The following TRPM3 variants were observed in gnomAD, a reference collection of about 807,000 sequenced individuals.
TRPM3 encodes the protein transient receptor potential cation channel subfamily M member 3, also known as long transient receptor potential channel 3.
A neutral mutation model predicts 181.2 loss-of-function variants in TRPM3; 77 were observed. That is an observed-to-expected ratio of 0.42 (90% confidence interval 0.35 to 0.51). TRPM3 has a LOEUF of 0.51. Ranked by LOEUF, TRPM3 falls within the 20% of genes least tolerant of loss-of-function variation. The pLI is 0.01. For missense variants in TRPM3, 1,759 were observed against 2,196.7 expected (o/e 0.80, Z 3.98); for synonymous variants, 745 against 796.4 (o/e 0.94, Z 1.09).
intron 1 of TRPM3, among the ~76,000 whole-genome samples, chr9:70,879,979 A>G (rs1349986861): frequency 6.6e-6 from 1 of 152,102 alleles, no homozygotes; most frequent in Non-Finnish European, 1.5e-5. Context: ...TGCATTCACC[A>G]ATTCTGCATT....
chr9:71,421,110 A>G (rs2093765899), intron 1 of TRPM3, among the ~76,000 whole-genome samples: 1 of 151,752 alleles, frequency 6.6e-6, no homozygotes, highest in Non-Finnish European at 1.5e-5. Flanking sequence ...TTAATACAGA[A>G]ATAGAAAACC....
intron 9 of TRPM3, among the ~76,000 whole-genome samples, chr9:70,641,412 C>T (rs1029969886): frequency 1.3e-5 from 2 of 152,176 alleles, no homozygotes; most frequent in African/African-American, 4.8e-5. Flanking sequence ...GTGCTCTCAT[C>T]AACTAGCGTA....
chr9:70,897,526 T>A (rs1340674588), intron 1 of TRPM3, among the ~76,000 whole-genome samples: 1 of 152,122 alleles, frequency 6.6e-6, no homozygotes, highest in Non-Finnish European at 1.5e-5. Flanking sequence ...CCAACAATTC[T>A]GTTTGGAGGT....
At chr9:71,392,576 C>A (rs1302570502) in intron 1 of TRPM3, among the ~76,000 whole-genome samples, 1 of 152,084 alleles carries the variant, frequency 6.6e-6, no homozygotes, top group Non-Finnish European at 1.5e-5. Context: ...CTACATCCTA[C>A]TTTCTTTCAG....
intron 1 of TRPM3, among the ~76,000 whole-genome samples, chr9:71,331,649 G>GA (rs1407803313): frequency 6.7e-6 from 1 of 149,048 alleles, no homozygotes. Context: ...GGAGGAGGAA[G>GA]AAGAGGAGAG....
intron 1 of TRPM3, among the ~76,000 whole-genome samples, chr9:71,112,475 A>G (rs2071339786): frequency 6.6e-6 from 1 of 152,152 alleles, no homozygotes; most frequent in Non-Finnish European, 1.5e-5. Flanking sequence ...GATGAACTAA[A>G]TCATCTCAAG....
rs147929844 is a variant in TRPM3, at chr9:70,579,834, G to A, written c.3223+11197C>T. Among the ~76,000 whole-genome samples the A allele has an allele frequency of 6.4e-3, 973 of 152,288 alleles. 7 individuals are homozygous for A. The highest frequency in any genetic ancestry group is 0.022 in the African/African-American group (905 of 41,540). On this transcript the variant is annotated intron_variant, in intron 22 of 25. Coordinates refer to ENST00000677713, the MANE Select transcript of TRPM3 (RefSeq NM_001366145.2). ...AGGCAAAGCCGTTTTGCCACCATGT[G>A]TCTTTGTGAAGCCTCCCCACACCCT...
intron 5 of TRPM3, among the ~76,000 whole-genome samples, chr9:70,832,592 T>C (rs779663061): frequency 2.0e-5 from 3 of 152,186 alleles, no homozygotes; most frequent in Non-Finnish European, 4.4e-5. Context: ...AGCCCTTTTA[T>C]AGAAGGCATT....
At chr9:70,772,755 T>C (rs1280709951) in intron 7 of TRPM3, among the ~76,000 whole-genome samples, 1 of 152,054 alleles carries the variant, frequency 6.6e-6, no homozygotes, top group East Asian at 1.9e-4. Context: ...GTCTCTGTCA[T>C]GTCTCTTCTT....
chr9:71,391,117 C>T (rs935006715), intron 1 of TRPM3, among the ~76,000 whole-genome samples: 12 of 151,758 alleles, frequency 7.9e-5, no homozygotes, highest in African/African-American at 2.9e-4. Flanking sequence ...CTAAGATTCT[C>T]CCTAAGACCA....
rs180991711 is a variant in TRPM3, at chr9:71,022,319, T to C, written c.177+98859A>G. Among the ~76,000 whole-genome samples the C allele has an allele frequency of 1.1e-3, 165 of 152,292 alleles. 2 individuals carry two copies. The highest frequency in any genetic ancestry group is 7.8e-4 in the Non-Finnish European group (53 of 68,018). ...AGTGGATAGCTTTTTCATGAAATGA[T>C]GCTAGAGTAATAGGACATCCATAAG... On this transcript the variant is annotated intron_variant, in intron 1 of 25. Transcript: ENST00000677713.
intron 1 of TRPM3, among the ~76,000 whole-genome samples, chr9:70,946,349 G>A (rs1325849837): frequency 6.6e-6 from 1 of 152,006 alleles, no homozygotes; most frequent in Non-Finnish European, 1.5e-5. Flanking sequence ...GGCAGGCTGA[G>A]TTAAAATTCC....
intron 1 of TRPM3, among the ~76,000 whole-genome samples, chr9:71,046,813 G>A (rs1035055543): frequency 2.0e-5 from 3 of 152,216 alleles, no homozygotes; most frequent in Non-Finnish European, 4.4e-5. Context: ...TTGTATAGGA[G>A]AACAGAATGA....
intron 15 of TRPM3, among the ~76,000 whole-genome samples, 155 bp downstream of exon 15, chr9:70,621,089 T>C (rs1022596518): frequency 6.8e-6 from 1 of 146,968 alleles, no homozygotes; most frequent in African/African-American, 2.5e-5. Flanking sequence ...TTATATATAC[T>C]ATATATTTAT....
intron 1 of TRPM3, among the ~76,000 whole-genome samples, chr9:71,042,373 T>C (rs1000617583): frequency 1.3e-5 from 2 of 152,212 alleles, no homozygotes; most frequent in Non-Finnish European, 2.9e-5. Flanking sequence ...CAACAACTGC[T>C]TTAAAAAATT....
chr9:70,839,753 G>C (rs1369332817), intron 5 of TRPM3, among the ~76,000 whole-genome samples: 1 of 152,064 alleles, frequency 6.6e-6, no homozygotes, highest in Admixed American at 6.6e-5. Context: ...CTTGACCAAA[G>C]ATGCAGCTAT....
intron 1 of TRPM3, among the ~76,000 whole-genome samples, chr9:71,443,426 T>G (rs985226596): frequency 1.3e-5 from 2 of 152,184 alleles, no homozygotes; most frequent in Non-Finnish European, 2.9e-5. Context: ...GCATTTTAAA[T>G]GCCACTATTA....
chr9:70,841,625 T>TATATATATAC (rs1554738883), intron 5 of TRPM3, among the ~76,000 whole-genome samples: 5 of 4,564 alleles, frequency 1.1e-3, no homozygotes, highest in African/African-American at 2.1e-3. Context: ...TATATCCCAC[T>TATATATATAC]ATATATATAT....
intron 9 of TRPM3, among the ~76,000 whole-genome samples, chr9:70,677,152 C>T (rs977564882): frequency 2.0e-5 from 3 of 152,138 alleles, no homozygotes; most frequent in South Asian, 2.1e-4. Context: ...CCATAAGACA[C>T]GCCCTCCAGT....
Sources: allele counts gnomAD v4.1 joint callset (sites outside exome capture counted in the v4.1 genomes callset), GRCh38; gene constraint gnomAD v4.1.1; transcripts MANE v1.5; gene names NCBI Gene and HGNC (gene_info 2026-07-23, HGNC 2026-07-21).